The following RIMS2 variants were observed in gnomAD, a reference collection of about 807,000 sequenced individuals.
RIMS2 encodes the protein regulating synaptic membrane exocytosis 2.
A neutral mutation model predicts 174.4 loss-of-function variants in RIMS2; 59 were observed. That is an observed-to-expected ratio of 0.34 (90% CI 0.27 to 0.42). The LOEUF is 0.42. Ranked by LOEUF, RIMS2 falls within the 10% of genes least tolerant of loss-of-function variation. RIMS2 has a pLI of 1.00. For synonymous variants in RIMS2, 606 were observed against 572.5 expected (o/e 1.06, Z -0.84); for missense variants, 1,620 against 1,666.3 (o/e 0.97, Z 0.48).
intron 15 of RIMS2, among the ~76,000 whole-genome samples, chr8:103,975,010 T>C (rs544775908): frequency 6.6e-6 from 1 of 152,336 alleles, no homozygotes; most frequent in Admixed American, 6.5e-5. Context: ...CTTTTCTAGG[T>C]CATTGAAGAG....
intron 19 of RIMS2, among the ~76,000 whole-genome samples, chr8:104,150,330 C>T (rs547797289): frequency 4.1e-4 from 62 of 152,078 alleles, no homozygotes; most frequent in Non-Finnish European, 4.7e-4. Flanking sequence ...GAACGCTTAC[C>T]GTGTGCCAGA....
chr8:104,113,526 C>T (rs7012965), intron 19 of RIMS2, among the ~76,000 whole-genome samples: 3,355 of 151,960 alleles, frequency 0.022, 126 homozygotes, highest in African/African-American at 0.076. Flanking sequence ...ATATATCTTA[C>T]GCATTTCTGT....
chr8:104,013,486 C>T (rs1187238197), exon 18 of RIMS2: 2 of 1,613,752 alleles, frequency 1.2e-6, no homozygotes, highest in East Asian at 2.2e-5. Flanking sequence ...AGATCCAGAT[C>T]AACAGAACAA....
At chr8:103,718,649 G>A (rs1032232767) in intron 2 of RIMS2, among the ~76,000 whole-genome samples, 2 of 151,282 alleles carry the variant, frequency 1.3e-5, no homozygotes, top group Admixed American at 1.3e-4. Context: ...CTGCTCAATG[G>A]CTCAACAACC....
intron 19 of RIMS2, among the ~76,000 whole-genome samples, chr8:104,233,039 ATTG>A (rs1390194752): frequency 6.6e-6 from 1 of 152,164 alleles, no homozygotes; most frequent in African/African-American, 2.4e-5. Context: ...AGTTTGTCAT[ATTG>A]TTATTTTCCT....
intron 21 of RIMS2, 99 bp downstream of exon 27, chr8:104,248,912 T>TCTCTCTCTCTCTCTCTCTCTCG: frequency 1.6e-6 from 1 of 619,914 alleles, no homozygotes; most frequent in Non-Finnish European, 2.8e-6. Flanking sequence ...TCTCTCTCTC[T>TCTCTCTCTCTCTCTCTCTCTCG]TTCCCTCTCT....
intron 19 of RIMS2, among the ~76,000 whole-genome samples, chr8:104,197,413 G>C (rs1349606138): frequency 6.6e-6 from 1 of 152,110 alleles, no homozygotes; most frequent in Non-Finnish European, 1.5e-5. Context: ...CTGACCTCAA[G>C]TGATCCACTC....
intron 16 of RIMS2, chr8:103,977,347 T>C (rs1283141871): frequency 6.6e-6 from 1 of 152,246 alleles, no homozygotes; most frequent in African/African-American, 2.4e-5. Context: ...GTGATACACT[T>C]ATCAATAGAA....
At chr8:103,800,892 A>G (rs2154451735) in intron 3 of RIMS2, among the ~76,000 whole-genome samples, 1 of 152,216 alleles carries the variant, frequency 6.6e-6, no homozygotes, top group South Asian at 2.1e-4. Context: ...GTTTTTATAG[A>G]GCTGTTATTT....
In RIMS2 at chr8:104,041,306, A is replaced by G. The variant is rs182069179; in HGVS notation, c.3334+26691A>G. 5.2e-5 allele frequency: 36 copies of G among 692,214 alleles called. No individual in the cohort carries two copies. The highest frequency in any genetic ancestry group is 2.1e-4 in the East Asian group (8 of 38,082). The allele number at this position is 692,214 out of a possible 1,614,324, so 42.9% of individuals were successfully genotyped here. On this transcript the variant is annotated intron_variant, in intron 19 of 23. Coordinates refer to ENST00000504942, the Ensembl canonical transcript of RIMS2. ...CCATCTCCTTTGTCTATGTCTGTCC[A>G]TTACACGATGTGATCACAGAAGAAC...
intron 19 of RIMS2, chr8:104,094,352 A>G (rs1209863597): frequency 1.8e-6 from 1 of 548,880 alleles, no homozygotes; most frequent in Non-Finnish European, 3.2e-6. Flanking sequence ...CATTTAAAAG[A>G]TATAATTTTT....
At chr8:103,925,511 T>C (rs1287460371) in intron 10 of RIMS2, among the ~76,000 whole-genome samples, 1 of 151,562 alleles carries the variant, frequency 6.6e-6, no homozygotes, top group African/African-American at 2.4e-5. Flanking sequence ...AGGAATGTTC[T>C]AAAGATAGTA....
At chr8:103,760,461 T>C (rs1337298338) in intron 2 of RIMS2, among the ~76,000 whole-genome samples, 1 of 152,244 alleles carries the variant, frequency 6.6e-6, no homozygotes, top group Non-Finnish European at 1.5e-5. Context: ...TATGAGCCAA[T>C]GTGTCTACTT....
intron 3 of RIMS2, among the ~76,000 whole-genome samples, chr8:103,883,074 G>A (rs111402306): frequency 0.011 from 1,737 of 151,774 alleles, 47 homozygotes; most frequent in African/African-American, 0.04. Flanking sequence ...AGAAATGGAA[G>A]ATGGTTTTAG....
intron 6 of RIMS2, among the ~76,000 whole-genome samples, chr8:103,914,738 A>G (rs891774943): frequency 6.6e-6 from 1 of 152,190 alleles, no homozygotes; most frequent in Non-Finnish European, 1.5e-5. Flanking sequence ...AATTCATTTC[A>G]GTCAGTGAGT....
In RIMS2 at chr8:103,882,081, T is replaced by C. The variant is rs978070248; in HGVS notation, c.699-3217T>C. On this transcript the variant is annotated intron_variant, in intron 3 of 23. Coordinates refer to ENST00000504942, the Ensembl canonical transcript of RIMS2. ...CCTAGACGAATCGTTCCTTTTCCTTTGTATTATAACAGATGAATTAAATAC... is the reference window on the plus strand; with the variant it reads ...CCTAGACGAATCGTTCCTTTTCCTTCGTATTATAACAGATGAATTAAATAC... Among the ~76,000 whole-genome samples the C allele has an allele frequency of 3.3e-5, 5 of 151,646 alleles. No homozygotes were observed. The South Asian group carries it at 6.2e-4, about 19-fold the overall frequency.
chr8:104,204,405 G>A (rs765626372), intron 19 of RIMS2, among the ~76,000 whole-genome samples: 47 of 152,064 alleles, frequency 3.1e-4, no homozygotes, highest in Non-Finnish European at 4.0e-4. Context: ...TTACTTAATC[G>A]AAAACCTGTC....
At chr8:103,697,427 G>T in intron 2 of RIMS2, 131 bp downstream of exon 4, 1 of 764,910 alleles carries the variant, frequency 1.3e-6, no homozygotes, top group Admixed American at 2.1e-5. Context: ...AAATGCTTGT[G>T]GCCAGACACG....
intron 3 of RIMS2, among the ~76,000 whole-genome samples, chr8:103,849,069 G>C (rs1040567495): frequency 6.6e-6 from 1 of 152,004 alleles, no homozygotes; most frequent in Non-Finnish European, 1.5e-5. Flanking sequence ...TCATACCTTT[G>C]AAATGATAGA....
Sources: allele counts gnomAD v4.1 joint callset (sites outside exome capture counted in the v4.1 genomes callset), GRCh38; gene constraint gnomAD v4.1.1; transcripts MANE v1.5; gene names NCBI Gene and HGNC (gene_info 2026-07-23, HGNC 2026-07-21).